Variants in MYH13 observed in about 807,000 individuals in gnomAD.
MYH13 encodes the protein myosin heavy chain 13, also known as myosin-13.
MYH13 carries 177 observed loss-of-function variants against 232.1 expected under a neutral mutation model. The observed-to-expected ratio is 0.76, with a 90% CI of 0.67 to 0.86. The LOEUF is 0.86. Ranked by LOEUF, MYH13 falls within the 40% of genes least tolerant of loss-of-function variation. MYH13 has a pLI of 0.00. For missense variants in MYH13, 2,246 were observed against 2,405.9 expected, an observed-to-expected ratio of 0.93 and a Z score of 1.39; for synonymous variants, 884 against 923.5, an observed-to-expected ratio of 0.96 and a Z score of 0.78.
At chr17:10,312,822 G>A in intron 30 of MYH13, 65 bp from the exon 31 acceptor site, 1 of 1,501,702 alleles carries the variant, frequency 6.7e-7, no homozygotes, top group South Asian at 1.3e-5. Context: ...GTAACTGTCA[G>A]ATGGGAAGAG....
chr17:10,309,296 G>A lies in MYH13; in HGVS notation c.5107C>T (p.Arg1703Cys). 1 of 1,613,910 alleles carries A rather than the reference G, an allele frequency of 6.2e-7. No homozygotes were observed. The highest frequency in any genetic ancestry group is 8.5e-7 in the Non-Finnish European group (1 of 1,179,848). Residue 1703 changes from arginine (R) to cysteine (C), a missense_variant, in exon 35 of 41, where the codon CGC (arginine) becomes TGC (cysteine). Coordinates refer to ENST00000252172, the MANE Select transcript of MYH13 (RefSeq NM_003802.3). The part of the protein sequence containing the change: ...KVALEQTERT[R>C]RLSEQELLDA... The stretch of plus-strand genomic sequence containing the variant: ...AGCAGCTCCTGCTCTGACAGCCTGC[G>A]GGTCCGCTCCGTCTGTTCCAGGGCC...
chr17:10,307,125 A>G, intron 35 of MYH13, 61 bp from the exon 36 acceptor site: 2 of 1,587,808 alleles, frequency 1.3e-6, no homozygotes, highest in Non-Finnish European at 1.7e-6. Context: ...AAAAATTGGG[A>G]GAGGGTTGGC....
At chr17:10,320,964 A>G (rs1906919492) in intron 24 of MYH13, among the ~76,000 whole-genome samples, 1 of 152,234 alleles carries the variant, frequency 6.6e-6, no homozygotes, top group East Asian at 1.9e-4. Context: ...TAGGAACAGG[A>G]AAAGGGTGTA....
intron 12 of MYH13, among the ~76,000 whole-genome samples, chr17:10,350,171 T>C (rs1287626510): frequency 1.3e-5 from 2 of 152,102 alleles, no homozygotes; most frequent in Non-Finnish European, 2.9e-5. Context: ...TGGCTCCCAC[T>C]TTACCAAAGG....
rs1907278547 is a variant in MYH13, at chr17:10,328,062, G to C, written c.2495C>G (p.Pro832Arg). 15 of 1,613,976 alleles carry C rather than the reference G, an allele frequency of 9.3e-6. No homozygotes were observed. Among genetic ancestry groups the C allele is most frequent in the Non-Finnish European group, 1.3e-5 (15 of 1,180,012 alleles). The change falls in exon 22 of 41, where the codon CCC becomes CGC. Residue 832 changes from proline to arginine, a missense_variant. Transcript: ENST00000252172. ...IRSFMNVKHW[P>R]WMNLFFKIKP... ...GATTTTGAAGAACAGGTTCATCCAG[G>C]GCCAGTGCTTGACGTTCATAAAAGA...
intron 16 of MYH13, among the ~76,000 whole-genome samples, chr17:10,342,943 A>G (rs1379850453): frequency 6.6e-6 from 1 of 152,014 alleles, no homozygotes; most frequent in Non-Finnish European, 1.5e-5. Flanking sequence ...ACAAAAAATT[A>G]GCCGGGCGTG....
At chr17:10,359,566 A>G (rs905189326) in intron 7 of MYH13, among the ~76,000 whole-genome samples, 10 of 152,300 alleles carry the variant, frequency 6.6e-5, no homozygotes, top group African/African-American at 1.9e-4. Context: ...CAAACCTGAG[A>G]CGGGGGTCGT....
In MYH13 at chr17:10,315,780, C is replaced by A. The variant is rs72814731; in HGVS notation, c.3897G>T (p.Glu1299Asp). 12,135 of 1,613,926 alleles carry A rather than the reference C, an allele frequency of 7.5e-3. 159 individuals carry two copies. Among genetic ancestry groups the A allele is most frequent in the Non-Finnish European group, 5.9e-3 (7,001 of 1,179,852 alleles). ...TTTTGGTCAGCTGTGAAATCAGAGACTCCTTCTCTTCCACTCGGTGGCTCA... is the reference window on the plus strand; with the variant it reads ...TTTTGGTCAGCTGTGAAATCAGAGAATCCTTCTCTTCCACTCGGTGGCTCA... ...GELSHRVEEK[E>D]SLISQLTKSK... The change falls in exon 29 of 41, where the codon GAG becomes GAT. Residue 1299 changes from glutamate (E) to aspartate (D), a missense_variant. Coordinates refer to ENST00000252172, the MANE Select transcript of MYH13 (RefSeq NM_003802.3).
intron 13 of MYH13, 127 bp from the exon 14 acceptor site, chr17:10,345,743 C>T (rs989952397): frequency 2.0e-6 from 3 of 1,525,166 alleles, no homozygotes; most frequent in South Asian, 2.4e-5. Context: ...ACCTGTAATC[C>T]CAGCACTTTG....
chr17:10,352,904 G>A (rs1474415148), intron 11 of MYH13, among the ~76,000 whole-genome samples: 1 of 152,324 alleles, frequency 6.6e-6, no homozygotes, highest in East Asian at 1.9e-4. Context: ...CAACCTAAGA[G>A]TATATTCTTG....
At chr17:10,315,153 G>T (rs1397580640) in intron 29 of MYH13, among the ~76,000 whole-genome samples, 1 of 152,164 alleles carries the variant, frequency 6.6e-6, no homozygotes, top group Non-Finnish European at 1.5e-5. Context: ...AGACCACCCT[G>T]CGGGGGACAG....
intron 16 of MYH13, among the ~76,000 whole-genome samples, chr17:10,343,105 A>C (rs1249933267): frequency 9.3e-6 from 1 of 106,972 alleles, no homozygotes; most frequent in Non-Finnish European, 2.1e-5. Context: ...AAAAAAAAAA[A>C]AAAAAATCTG....
chr17:10,316,020 G>C lies in MYH13; in HGVS notation c.3744C>G (p.Asn1248Lys). ...CTACCGTCCGGCACGTTCTTTCTATGTTACTCTTTAACAAACAGAAAGTCA... is the reference window on the plus strand; with the variant it reads ...CTACCGTCCGGCACGTTCTTTCTATCTTACTCTTTAACAAACAGAAAGTCA... Reference protein sequence around the residue: ...NIEALSKSKSNIERTCRTVED... With the variant: ...NIEALSKSKSKIERTCRTVED... Residue 1248 changes from asparagine (N) to lysine (K), a missense_variant, in exon 28 of 41, where the codon AAC becomes AAG. Coordinates refer to ENST00000252172, the MANE Select transcript of MYH13 (RefSeq NM_003802.3). 6.2e-7 allele frequency: 1 copy of C among 1,613,946 alleles called. No individual in the cohort carries two copies. The highest frequency in any genetic ancestry group is 8.5e-7 in the Non-Finnish European group (1 of 1,179,880).
At chr17:10,310,208 A>G (rs988252651) in intron 33 of MYH13, among the ~76,000 whole-genome samples, 6 of 150,774 alleles carry the variant, frequency 4.0e-5, no homozygotes, top group Non-Finnish European at 7.4e-5. Flanking sequence ...CTCCTGCCTC[A>G]GCCTCCCGAG....
At position 10,357,891 on chromosome 17, in the gene MYH13, G is replaced by T. The variant is rs569646353; in HGVS notation, c.646-64C>A. On this transcript the variant is annotated intron_variant, in intron 7 of 40. Transcript: ENST00000252172. ...TGGTTTTCTAAAGTAGCCCCTTGATGACTAAAACGGTGGGTACTCTGGGCA... is the reference window on the plus strand; with the variant it reads ...TGGTTTTCTAAAGTAGCCCCTTGATTACTAAAACGGTGGGTACTCTGGGCA... 4.9e-6 allele frequency: 7 copies of T among 1,436,240 alleles called. No homozygotes were observed. In the East Asian group the frequency reaches 1.4e-4, roughly 28 times the overall value. The allele number at this position is 1,436,240 out of a possible 1,614,324, so 89.0% of individuals were successfully genotyped here.
At position 10,343,977 on chromosome 17, in the gene MYH13, C is replaced by G. The variant is rs776163975; in HGVS notation, c.1717G>C (p.Gly573Arg). ...NNFQKPKPAK[G>R]KAEAHFSLVH... is the part of the protein sequence containing the mutation. ...AGCGAGAAGTGAGCCTCAGCCTTGC[C>G]TTTGGCAGGCTTGGGCTTCTGGAAG... Residue 573 changes from glycine (G) to arginine (R), a missense_variant, in exon 16 of 41, where the codon GGC (glycine) becomes CGC (arginine). Physicochemically the swap from Gly to Arg is moderately radical, Grantham distance 125 (BLOSUM62 -2). Coordinates refer to ENST00000252172, the MANE Select transcript of MYH13 (RefSeq NM_003802.3). The G allele has an allele frequency of 4.3e-6, 7 of 1,614,108 alleles. No individual in the cohort carries two copies. Among genetic ancestry groups the G allele is most frequent in the Admixed American group, 1.7e-5 (1 of 59,998 alleles).
intron 20 of MYH13, 104 bp downstream of exon 20, chr17:10,331,995 G>A (rs1469417763): frequency 1.7e-5 from 24 of 1,450,634 alleles, no homozygotes; most frequent in Admixed American, 3.8e-5. Context: ...GGGCAAGGAC[G>A]GTCAGGTGGA....
chr17:10,329,958 C>T (rs1907353765), intron 21 of MYH13, among the ~76,000 whole-genome samples: 1 of 151,706 alleles, frequency 6.6e-6, no homozygotes, highest in Admixed American at 6.6e-5. Context: ...CGAGATTGTG[C>T]CACTGCACTC....
At chr17:10,335,434 CAGGTGGTT>C (rs1567665155) in intron 18 of MYH13, among the ~76,000 whole-genome samples, 5 of 152,108 alleles carry the variant, frequency 3.3e-5, no homozygotes. Context: ...TCTGCTTCAT[CAGGTGGTT>C]GAGGATTACA....
Sources: allele counts gnomAD v4.1 joint callset (sites outside exome capture counted in the v4.1 genomes callset), GRCh38; gene constraint gnomAD v4.1.1; transcripts MANE v1.5; gene names NCBI Gene and HGNC (gene_info 2026-07-23, HGNC 2026-07-21).